Variants in SYT2 observed in about 807,000 individuals in gnomAD.
The protein encoded by SYT2 is synaptotagmin-2.
A neutral mutation model predicts 39.9 loss-of-function variants in SYT2; 15 were observed. That is an observed-to-expected ratio of 0.38 (90% CI 0.25 to 0.58). SYT2 has a LOEUF of 0.58. Ranked by LOEUF, SYT2 falls within the 20% of genes least tolerant of loss-of-function variation. The pLI is 0.70. For synonymous variants in SYT2, 181 were observed against 204.5 expected (o/e 0.89, Z 0.98); for missense variants, 389 against 530.3 (o/e 0.73, Z 2.62).
chr1:202,603,705 AC>A (rs1430213648), intron 3 of SYT2, among the ~76,000 whole-genome samples: 1 of 151,932 alleles, frequency 6.6e-6, no homozygotes, highest in Non-Finnish European at 1.5e-5. Flanking sequence ...ACACTCTCAC[AC>A]TCACACACAC....
At position 202,591,359 on chromosome 1, in the gene SYT2, CT is replaced by C. The variant is rs1690109274; in HGVS notation, c.*5397del. 1 of 152,558 alleles carries C rather than the reference CT, an allele frequency of 6.6e-6. No homozygotes were observed. The highest frequency in any genetic ancestry group is 2.1e-4 in the South Asian group (1 of 4,826). The allele number at this position is 152,558 out of a possible 1,614,324, so 9.5% of individuals were successfully genotyped here. A position where few individuals can be genotyped will look rare whatever the true frequency, so the allele number is the denominator to read the frequency against. ...CATCCTGGGCTCTTCCCATGCAGTA[CT>C]GCCCTCAGGTGCCCATGGGGCCAGG... On this transcript the variant is annotated 3_prime_UTR_variant, in exon 9 of 9. Coordinates refer to ENST00000367268, the MANE Select transcript of SYT2 (RefSeq NM_177402.5).
At position 202,602,535 on chromosome 1, in the gene SYT2, C is replaced by T. The variant is rs199715462; in HGVS notation, c.476G>A (p.Gly159Asp). Residue 159 changes from glycine to aspartate, a missense_variant, in exon 5 of 9, where the codon GGC becomes GAC. Coordinates refer to ENST00000367268, the MANE Select transcript of SYT2 (RefSeq NM_177402.5). ...AGGCAGTTCAGCAGCCTGCAGAACG[C>T]CCACAGTAAGCTGTGGAGAGAGATG... is the stretch of plus-strand genomic sequence containing the variant. ...YDFQANQLTV[G>D]VLQAAELPAL... is the part of the protein sequence containing the mutation. 1.1e-5 allele frequency: 17 copies of T among 1,612,706 alleles called. No homozygotes were observed. The African/African-American group carries it at 2.3e-4, about 22-fold the overall frequency.
In SYT2 at chr1:202,663,108, G is replaced by A. The variant is rs998599027; in HGVS notation, c.-18+47150C>T. ...TGGGATTATGAGTATGTGGGGCAAG[G>A]GACAGCAATCAAGGTATCAGCCCAA... On this transcript the variant is annotated intron_variant, in intron 1 of 8. Transcript: ENST00000367268. Among the ~76,000 whole-genome samples, 19 of 152,232 alleles carry A rather than the reference G, an allele frequency of 1.2e-4. 1 individual carries two copies. Among genetic ancestry groups the A allele is most frequent in the Admixed American group, 7.8e-4 (12 of 15,292 alleles).
At chr1:202,621,072 G>A (rs1399765331) in intron 1 of SYT2, among the ~76,000 whole-genome samples, 7 of 152,196 alleles carry the variant, frequency 4.6e-5, no homozygotes, top group African/African-American at 1.7e-4. Context: ...GCTCTGGAAA[G>A]GTGCATAAGG....
intron 1 of SYT2, among the ~76,000 whole-genome samples, chr1:202,652,424 C>G (rs969151200): frequency 1.3e-5 from 2 of 152,210 alleles, no homozygotes; most frequent in Non-Finnish European, 2.9e-5. Flanking sequence ...ACCTGCCTTT[C>G]TGCAGGAGGC....
chr1:202,696,020 G>C (rs1265418010), intron 1 of SYT2, among the ~76,000 whole-genome samples: 1 of 152,204 alleles, frequency 6.6e-6, no homozygotes, highest in Non-Finnish European at 1.5e-5. Context: ...TCAGTCTCCA[G>C]TGGAAAAACT....
intron 1 of SYT2, among the ~76,000 whole-genome samples, chr1:202,609,206 C>A (rs1690808052): frequency 6.6e-6 from 1 of 151,864 alleles, no homozygotes. Context: ...AGGACATGAA[C>A]TCATCATTTT....
intron 1 of SYT2, among the ~76,000 whole-genome samples, chr1:202,627,867 G>A (rs1294004852): frequency 6.6e-6 from 1 of 152,200 alleles, no homozygotes; most frequent in East Asian, 1.9e-4. Context: ...CAGAGCTCAG[G>A]CCTTTGGGAG....
chr1:202,616,118 C>G (rs1008070792), intron 1 of SYT2, among the ~76,000 whole-genome samples: 3 of 152,206 alleles, frequency 2.0e-5, no homozygotes, highest in Non-Finnish European at 1.5e-5. Context: ...CCAGCTTCGC[C>G]TCCTCCTCCA....
At chr1:202,699,681 T>C (rs1264738762) in intron 1 of SYT2, among the ~76,000 whole-genome samples, 3 of 152,164 alleles carry the variant, frequency 2.0e-5, no homozygotes, top group East Asian at 3.9e-4. Context: ...AATATTATGA[T>C]CTATAAATTA....
At chr1:202,653,079 A>G (rs1358993915) in intron 1 of SYT2, among the ~76,000 whole-genome samples, 1 of 151,164 alleles carries the variant, frequency 6.6e-6, no homozygotes, top group Non-Finnish European at 1.5e-5. Flanking sequence ...GTCCTTTTGC[A>G]TGAGCGGCTT....
rs1690271520 is a variant in SYT2, at chr1:202,596,004, G to A, written c.*753C>T. ...GATGGCATCGTTTGGTCCTAGTTCT[G>A]AACACATCCAGTCTTCACATCTTGC... On this transcript the variant is annotated 3_prime_UTR_variant, in exon 9 of 9. Coordinates refer to ENST00000367268, the MANE Select transcript of SYT2 (RefSeq NM_177402.5). 1 of 152,102 alleles carries A rather than the reference G, an allele frequency of 6.6e-6. No homozygotes were observed. The highest frequency in any genetic ancestry group is 6.6e-5 in the Admixed American group (1 of 15,266). 9.4% of individuals were successfully genotyped at this position (152,102 alleles called of 1,614,324 possible).
chr1:202,627,567 GCTCC>G (rs1691452657), intron 1 of SYT2: 2 of 985,246 alleles, frequency 2.0e-6, no homozygotes, highest in Non-Finnish European at 2.4e-6. Context: ...CAGGCCCATG[GCTCC>G]CCATGGGGAA....
intron 1 of SYT2, among the ~76,000 whole-genome samples, chr1:202,683,211 C>T (rs1312655491): frequency 6.6e-6 from 1 of 152,138 alleles, no homozygotes; most frequent in East Asian, 1.9e-4. Context: ...TACCCCGTGA[C>T]CTAGCTAGAG....
At chr1:202,636,385 G>A (rs1405977212) in intron 1 of SYT2, 6 of 985,280 alleles carry the variant, frequency 6.1e-6, no homozygotes, top group South Asian at 4.7e-5. Flanking sequence ...CCAGAGCAGG[G>A]AGAGGGAGAG....
intron 1 of SYT2, among the ~76,000 whole-genome samples, chr1:202,634,705 G>T (rs1691695293): frequency 6.6e-6 from 1 of 152,170 alleles, no homozygotes; most frequent in Admixed American, 6.5e-5. Flanking sequence ...GCAATAAAAA[G>T]AAATAAAGTA....
At chr1:202,622,835 C>G (rs1236448992) in intron 1 of SYT2, among the ~76,000 whole-genome samples, 1 of 152,160 alleles carries the variant, frequency 6.6e-6, no homozygotes, top group Admixed American at 6.5e-5. Context: ...AAATCACAGG[C>G]AAATATTAAT....
chr1:202,682,347 A>C (rs1653547176), intron 1 of SYT2, among the ~76,000 whole-genome samples: 1 of 152,182 alleles, frequency 6.6e-6, no homozygotes, highest in East Asian at 1.9e-4. Flanking sequence ...CAGAGGTACC[A>C]TCTACGTGGG....
intron 1 of SYT2, chr1:202,639,848 T>C: frequency 1.0e-6 from 1 of 985,324 alleles, no homozygotes; most frequent in Non-Finnish European, 1.2e-6. Context: ...GGGGATCGTG[T>C]GCATGGTGAC....
Sources: allele counts gnomAD v4.1 joint callset (sites outside exome capture counted in the v4.1 genomes callset), GRCh38; gene constraint gnomAD v4.1.1; transcripts MANE v1.5; gene names NCBI Gene and HGNC (gene_info 2026-07-23, HGNC 2026-07-21).